GOLGA3: variants seen among roughly 807,000 people sequenced by gnomAD.
GOLGA3 encodes golgin A3, also known as golgin subfamily A member 3.
In GOLGA3, 75 loss-of-function variants were observed where a neutral mutation model predicts 169.4. The ratio of observed to expected loss-of-function variants is 0.44; its 90% CI spans 0.37 to 0.54. The LOEUF (loss-of-function observed/expected upper bound fraction) is 0.54, where lower values mean the gene tolerates loss of function less well. GOLGA3 is among the 20% of genes least tolerant of loss of function. GOLGA3 has a pLI of 0.00. For missense variants in GOLGA3, 1,899 were observed against 1,930.0 expected, an observed-to-expected ratio of 0.98 and a Z score of 0.30; for synonymous variants, 824 against 822.4, an observed-to-expected ratio of 1.00 and a Z score of -0.03.
At chr12:132,781,213 GTGCCCTCCACCGCAC>G (rs942991722) in intron 17 of GOLGA3, among the ~76,000 whole-genome samples, 15 of 71,522 alleles carry the variant, frequency 2.1e-4, no homozygotes, top group South Asian at 1.9e-3. Context: ...TACCACCGCA[GTGCCCTCCACCGCAC>G]TGCCCTCCAC....
Position 132,773,168 on chromosome 12 carries a change from G to C in GOLGA3, c.4434C>G (p.Gly1478=), listed in dbSNP as rs1360684278. Residue 1478 remains glycine, a synonymous_variant, in exon 24 of 24, where the codon GGC becomes GGG. Coordinates refer to ENST00000450791, the MANE Select transcript of GOLGA3 (RefSeq NM_001389683.1). ...TGTGTCTCTGTGGGTCGCCGCGTGGGCCGGCGTGACCCCCCGGGGGCACAG... is the reference window on the plus strand; with the variant it reads ...TGTGTCTCTGTGGGTCGCCGCGTGGCCCGGCGTGACCCCCCGGGGGCACAG... ...ASPVPPGGHA[G]PRGDPQRHSQ... 1 of 1,585,004 alleles carries C rather than the reference G, an allele frequency of 6.3e-7. No homozygotes were observed. Among genetic ancestry groups the C allele is most frequent in the Admixed American group, 1.8e-5 (1 of 56,462 alleles).
chr12:132,812,081 G>C (rs994587611), intron 4 of GOLGA3, among the ~76,000 whole-genome samples: 1 of 150,464 alleles, frequency 6.6e-6, no homozygotes, highest in Non-Finnish European at 1.5e-5. Flanking sequence ...CCAGTTACTC[G>C]GGAGGCTGAG....
chr12:132,798,893 G>T (rs1223678119), intron 8 of GOLGA3, among the ~76,000 whole-genome samples: 1 of 152,218 alleles, frequency 6.6e-6, no homozygotes, highest in Non-Finnish European at 1.5e-5. Flanking sequence ...CGCCCGACAG[G>T]TGCCATTCCA....
rs748269337 is a variant in GOLGA3 at position 132,777,274 on chromosome 12, ACT to A, written c.3723-186_3723-185del. Reference sequence around the variant, plus strand: ...GGGCAGTCCTCACGAAGCACCTGAGACTCACACTTCACTGGCACCCCTCACAG... The same window carrying A: ...GGGCAGTCCTCACGAAGCACCTGAGACACACTTCACTGGCACCCCTCACAG... On this transcript the variant is annotated intron_variant, in intron 19 of 23. Coordinates refer to ENST00000450791, the MANE Select transcript of GOLGA3 (RefSeq NM_001389683.1). This position sits in a 1 kb window ranked among gnomAD's most constrained non-coding sequence, Gnocchi z 4.7. Among the ~76,000 whole-genome samples the A allele has an allele frequency of 1.3e-5, 2 of 152,040 alleles. No homozygotes were observed. Among genetic ancestry groups the A allele is most frequent in the Non-Finnish European group, 1.5e-5 (1 of 67,958 alleles).
chr12:132,779,408 T>G (rs1428750390), intron 18 of GOLGA3, among the ~76,000 whole-genome samples: 1 of 152,190 alleles, frequency 6.6e-6, no homozygotes, highest in Non-Finnish European at 1.5e-5. Context: ...TAATTCTATT[T>G]ATAAAGAAAC....
rs1272320233 is a variant in GOLGA3 at position 132,798,424 on chromosome 12, C to A, written c.1854G>T (p.Val618=). ...TTTCCGTCAGCTGCTGGGACAGGGACACATTCTCGAGTTTCAGGTGCTCCA... is the reference window on the plus strand; with the variant it reads ...TTTCCGTCAGCTGCTGGGACAGGGAAACATTCTCGAGTTTCAGGTGCTCCA... The part of the protein sequence containing the change: ...GLLEHLKLEN[V]SLSQQLTETQ... Residue 618 remains valine (V), a synonymous_variant, in exon 9 of 24, where the codon GTG becomes GTT. Transcript: ENST00000450791. The A allele has an allele frequency of 5.6e-6, 9 of 1,613,478 alleles. No individual in the cohort carries two copies. In the African/African-American group the frequency reaches 1.2e-4, roughly 22 times the overall value.
chr12:132,786,567 TGAGG>T lies in GOLGA3; in HGVS notation c.2907-16_2907-13del, dbSNP rs1566085364. On this transcript the variant is annotated splice_polypyrimidine_tract_variant and intron_variant, in intron 14 of 23. Transcript: ENST00000450791. ...GTTCCGTGATGGCCCTGGGGTGTCATGAGGGAGACACAGGAGGAAGCTGAATTAT... is the reference window on the plus strand; with the variant it reads ...GTTCCGTGATGGCCCTGGGGTGTCATGAGACACAGGAGGAAGCTGAATTAT... The T allele has an allele frequency of 6.2e-7, 1 of 1,612,338 alleles. No individual in the cohort carries two copies. The highest frequency in any genetic ancestry group is 1.1e-5 in the South Asian group (1 of 91,000).
chr12:132,780,812 T>C lies in GOLGA3; in HGVS notation c.3568A>G (p.Ser1190Gly), dbSNP rs763687960. 7.5e-6 allele frequency: 12 copies of C among 1,607,758 alleles called. No homozygotes were observed. The highest frequency in any genetic ancestry group is 1.0e-5 in the Non-Finnish European group (12 of 1,176,624). ...GTGGCACGCACCTGCTCCTTGAGGC[T>C]GTTCACCTTCTCCTTCTCCTTCTCT... Reference protein sequence around the residue: ...SLEKEKEKVNSLKEQVAAAKV... With the variant: ...SLEKEKEKVNGLKEQVAAAKV... The change falls in exon 18 of 24, where the codon AGC becomes GGC. Residue 1190 changes from serine (S) to glycine (G), a missense_variant. Physicochemically the swap from Ser to Gly is moderately conservative, Grantham distance 56. Coordinates refer to ENST00000450791, the MANE Select transcript of GOLGA3 (RefSeq NM_001389683.1).
At chr12:132,819,349 G>A (rs1048948008) in intron 2 of GOLGA3, among the ~76,000 whole-genome samples, 5 of 152,008 alleles carry the variant, frequency 3.3e-5, no homozygotes, top group South Asian at 2.1e-4. Context: ...CTAACACGGC[G>A]AAACCCCGTC....
chr12:132,786,784 A>G lies in GOLGA3; in HGVS notation c.2815T>C (p.Leu939=). Residue 939 remains leucine, a synonymous_variant, in exon 14 of 24, where the codon TTG becomes CTG. Transcript: ENST00000450791. ...RDEMETHLQS[L]QFDKEQMVAV... is the part of the protein sequence containing the mutation. ...ACCATCTGCTCCTTATCGAACTGCA[A>G]CGACTGTGGAAGGGAAGGAGGGCGT... The G allele has an allele frequency of 6.2e-7, 1 of 1,606,780 alleles. No individual in the cohort carries two copies. The highest frequency in any genetic ancestry group is 1.3e-5 in the African/African-American group (1 of 74,830).
chr12:132,807,907 C>T lies in GOLGA3; in HGVS notation c.1162G>A (p.Asp388Asn). 6.9e-7 allele frequency: 1 copy of T among 1,454,418 alleles called. No homozygotes were observed. Among genetic ancestry groups the T allele is most frequent in the African/African-American group, 1.5e-5 (1 of 68,306 alleles). 90.1% of individuals were successfully genotyped at this position (1,454,418 alleles called of 1,614,324 possible). The part of the protein sequence containing the change: ...EVNGEVRSRR[D>N]SICSSVSLES... ...CCCCACCACCTGCTGCAGATGCTGT[C>T]TCTCCGACTCCGCACCTCCCCGTTG... The change falls in exon 5 of 24, where the codon GAC (aspartate) becomes AAC (asparagine). Residue 388 changes from aspartate (D) to asparagine (N), a missense_variant. Transcript: ENST00000450791.
rs1271641629 is a variant in GOLGA3, at chr12:132,772,240, G to A, written c.*865C>T. On this transcript the variant is annotated 3_prime_UTR_variant, in exon 24 of 24. Coordinates refer to ENST00000450791, the MANE Select transcript of GOLGA3 (RefSeq NM_001389683.1). ...TTCTTCTTCAATAACATGAGCATAT[G>A]CTTCTTAAAGACTGGGTGACAGGCC... 1 of 152,152 alleles carries A rather than the reference G, an allele frequency of 6.6e-6. No homozygotes were observed. The highest frequency in any genetic ancestry group is 1.9e-4 in the East Asian group (1 of 5,202). 9.4% of individuals were successfully genotyped at this position (152,152 alleles called of 1,614,324 possible).
At chr12:132,823,735 C>T (rs1950306626) in intron 1 of GOLGA3, among the ~76,000 whole-genome samples, 1 of 150,602 alleles carries the variant, frequency 6.6e-6, no homozygotes, top group African/African-American at 2.4e-5. Context: ...TGCACTGAAC[C>T]AAGACCACGC....
At chr12:132,814,214 G>C (rs1048379197) in intron 3 of GOLGA3, among the ~76,000 whole-genome samples, 1 of 151,646 alleles carries the variant, frequency 6.6e-6, no homozygotes, top group African/African-American at 2.4e-5. Context: ...AGTAGAGACA[G>C]GGTTTCTCCA....
chr12:132,816,891 G>T, intron 2 of GOLGA3, 79 bp from the exon 3 acceptor site: 1 of 1,241,658 alleles, frequency 8.1e-7, no homozygotes, highest in Non-Finnish European at 1.1e-6. Flanking sequence ...AGCTGGAGTA[G>T]GAGAGAAGAG....
intron 15 of GOLGA3, among the ~76,000 whole-genome samples, chr12:132,785,953 C>A (rs1001683113): frequency 2.0e-5 from 3 of 152,214 alleles, no homozygotes; most frequent in African/African-American, 4.8e-5. Context: ...CATGCCCTCA[C>A]TCCTGCTTCT....
At chr12:132,827,645 A>G (rs922666846) in intron 1 of GOLGA3, 2 of 152,240 alleles carry the variant, frequency 1.3e-5, no homozygotes, top group East Asian at 3.8e-4. Context: ...ATCGGGGGAA[A>G]AAAAGCTCCT....
intron 22 of GOLGA3, 66 bp downstream of exon 22, chr12:132,775,075 A>AAT: frequency 7.1e-7 from 1 of 1,415,874 alleles, no homozygotes; most frequent in African/African-American, 1.4e-5. Flanking sequence ...CACGTCTGCC[A>AAT]GCCTCCTGTC....
intron 5 of GOLGA3, 90 bp from the exon 6 acceptor site, chr12:132,807,378 C>T: frequency 1.6e-6 from 1 of 640,088 alleles, no homozygotes; most frequent in Non-Finnish European, 2.6e-6. Flanking sequence ...CACACCCCTG[C>T]TGCTCTCTCC....
Sources: gnomAD v4.1 joint callset for allele counts (sites outside exome capture counted in the v4.1 genomes callset) on GRCh38, gnomAD v4.1.1 for gene constraint, Gnocchi (gnomAD v3.1) non-coding constraint, MANE v1.5 for transcripts, NCBI Gene and HGNC (gene_info 2026-07-23, HGNC 2026-07-21) for gene names.